NEFL: variants seen among roughly 807,000 people sequenced by gnomAD.
The protein encoded by NEFL is neurofilament light chain.
In NEFL, 36 loss-of-function variants were observed where a neutral mutation model predicts 51.6. That is an observed-to-expected ratio of 0.70 (90% confidence interval 0.53 to 0.92). The LOEUF is 0.92. NEFL is among the 40% of genes least tolerant of loss of function. NEFL has a pLI of 0.00. For synonymous variants in NEFL, 332 were observed against 302.5 expected (o/e 1.10, Z -1.01); for missense variants, 671 against 722.0 (o/e 0.93, Z 0.81).
rs1323026981 is a variant in NEFL, at chr8:24,956,212, C to A, written c.304G>T (p.Ala102Ser). The change falls in exon 1 of 4, where the codon GCC becomes TCC. Residue 102 changes from alanine to serine, a missense_variant. Coordinates refer to ENST00000610854, the MANE Select transcript of NEFL (RefSeq NM_006158.5). This position sits in a 1 kb window ranked among gnomAD's most constrained non-coding sequence, Gnocchi z 5.9. ...AQLQDLNDRF[A>S]SFIERVHELE... ...TCGTGCACGCGCTCGATGAAGCTGG[C>A]GAAGCGGTCATTGAGGTCCTGGAGC... The A allele has an allele frequency of 5.6e-6, 9 of 1,610,960 alleles. No individual in the cohort carries two copies. The highest frequency in any genetic ancestry group is 7.6e-6 in the Non-Finnish European group (9 of 1,178,742).
At chr8:24,953,249 C>G (rs570838020) in intron 3 of NEFL, among the ~76,000 whole-genome samples, 1 of 152,162 alleles carries the variant, frequency 6.6e-6, no homozygotes, top group Non-Finnish European at 1.5e-5. Flanking sequence ...CTTTAGGACA[C>G]CAACCTGCTG....
chr8:24,956,301 T>G lies in NEFL; in HGVS notation c.215A>C (p.Asp72Ala), dbSNP rs777547427. The G allele has an allele frequency of 5.6e-6, 9 of 1,610,676 alleles. No individual in the cohort carries two copies. The highest frequency in any genetic ancestry group is 6.8e-6 in the Non-Finnish European group (8 of 1,178,674). The change falls in exon 1 of 4, where the codon GAC becomes GCC. Residue 72 changes from aspartate (D) to alanine (A), a missense_variant. Transcript: ENST00000610854. The surrounding 1 kb of genome is among the most constrained non-coding windows in gnomAD (Gnocchi z 5.9). The part of the protein sequence containing the change: ...GSLMPSLENL[D>A]LSQVAAISND... The stretch of plus-strand genomic sequence containing the variant: ...GCTGATGGCGGCTACCTGGCTCAGG[T>G]CGAGGTTCTCCAGACTGGGCATCAA...
chr8:24,955,443 G>C lies in NEFL; in HGVS notation c.1044+29C>G, dbSNP rs760096270. 1,601 of 1,320,028 alleles carry C rather than the reference G, an allele frequency of 1.2e-3. No homozygotes were observed. The highest frequency in any genetic ancestry group is 7.6e-3 in the South Asian group (353 of 46,280). The allele number at this position is 1,320,028 out of a possible 1,614,324, so 81.8% of individuals were successfully genotyped here. A position where few individuals can be genotyped will look rare whatever the true frequency, so the allele number is the denominator to read the frequency against. On this transcript the variant is annotated intron_variant, in intron 1 of 3. Transcript: ENST00000610854. The surrounding 1 kb of genome is among the most constrained non-coding windows in gnomAD (Gnocchi z 4.0). ...ACTCCCCCCCTTGCTCGAGTCCCCCGCCCCCCTGTGTTTCTGGCCGTGCCG... is the reference window on the plus strand; with the variant it reads ...ACTCCCCCCCTTGCTCGAGTCCCCCCCCCCCCTGTGTTTCTGGCCGTGCCG...
In NEFL at chr8:24,956,326, A is replaced by G; in HGVS notation, c.190T>C (p.Leu64=). The stretch of plus-strand genomic sequence containing the variant: ...TCGAGGTTCTCCAGACTGGGCATCA[A>G]CGATCCAGAGCTGGAGGAGTAGCTG... ...RRSYSSSSGS[L]MPSLENLDLS... is the part of the protein sequence containing the mutation. Residue 64 remains leucine (L), a synonymous_variant, in exon 1 of 4, where the codon TTG becomes CTG. Coordinates refer to ENST00000610854, the MANE Select transcript of NEFL (RefSeq NM_006158.5). This position sits in a 1 kb window ranked among gnomAD's most constrained non-coding sequence, Gnocchi z 5.9. 1.2e-6 allele frequency: 2 copies of G among 1,610,462 alleles called. No individual in the cohort carries two copies. Among genetic ancestry groups the G allele is most frequent in the Non-Finnish European group, 1.7e-6 (2 of 1,178,506 alleles).
Position 24,956,564 on chromosome 8 carries a change from G to T in NEFL, c.-49C>A. The T allele has an allele frequency of 6.6e-7, 1 of 1,520,780 alleles. No homozygotes were observed. The highest frequency in any genetic ancestry group is 8.9e-7 in the Non-Finnish European group (1 of 1,118,792). The allele number at this position is 1,520,780 out of a possible 1,614,324, so 94.2% of individuals were successfully genotyped here. A position where few individuals can be genotyped will look rare whatever the true frequency, so the allele number is the denominator to read the frequency against. On this transcript the variant is annotated 5_prime_UTR_variant, in exon 1 of 4. Transcript: ENST00000610854. This position sits in a 1 kb window ranked among gnomAD's most constrained non-coding sequence, Gnocchi z 5.9. ...CCCGCGGCGGCGGTGGGAGCCCGGA[G>T]AGAGAGGACAGGGGAGAGAGGGAAG...
At position 24,955,376 on chromosome 8, in the gene NEFL, T is replaced by C; in HGVS notation, c.1044+96A>G. The C allele has an allele frequency of 1.6e-6, 2 of 1,263,302 alleles. No homozygotes were observed. The highest frequency in any genetic ancestry group is 2.2e-6 in the Non-Finnish European group (2 of 927,370). 78.3% of individuals were successfully genotyped at this position (1,263,302 alleles called of 1,614,324 possible). A position where few individuals can be genotyped will look rare whatever the true frequency, so the allele number is the denominator to read the frequency against. On this transcript the variant is annotated intron_variant, in intron 1 of 3. Transcript: ENST00000610854. This position sits in a 1 kb window ranked among gnomAD's most constrained non-coding sequence, Gnocchi z 4.0. ...CCAAGCCCTATCCCTAAGAGCTGCG[T>C]GCAGCCGCACCACCCCTGGTCTCCA...
At position 24,955,429 on chromosome 8, in the gene NEFL, T is replaced by G; in HGVS notation, c.1044+43A>C. The G allele has an allele frequency of 4.8e-4, 271 of 562,338 alleles. No homozygotes were observed. The highest frequency in any genetic ancestry group is 7.4e-4 in the Non-Finnish European group (237 of 318,402). 34.8% of individuals were successfully genotyped at this position (562,338 alleles called of 1,614,324 possible). A position where few individuals can be genotyped will look rare whatever the true frequency, so the allele number is the denominator to read the frequency against. Reference sequence around the variant, plus strand: ...TTCTGGGCGCACCAACTCCCCCCCTTGCTCGAGTCCCCCGCCCCCCTGTGT... The same window carrying G: ...TTCTGGGCGCACCAACTCCCCCCCTGGCTCGAGTCCCCCGCCCCCCTGTGT... On this transcript the variant is annotated intron_variant, in intron 1 of 3. Transcript: ENST00000610854. This position sits in a 1 kb window ranked among gnomAD's most constrained non-coding sequence, Gnocchi z 4.0.
rs1450236716 is a variant in NEFL, at chr8:24,955,986, C to G, written c.530G>C (p.Arg177Pro). 6.2e-7 allele frequency: 1 copy of G among 1,603,498 alleles called. No individual in the cohort carries two copies. Among genetic ancestry groups the G allele is most frequent in the South Asian group, 1.1e-5 (1 of 90,890 alleles). ...LEETLRNLQA[R>P]YEEEVLSRED... ...GCGGCTCAGCACCTCCTCTTCATAG[C>G]GCGCCTGCAGGTTGCGCAGGGTCTC... Residue 177 changes from arginine (R) to proline (P), a missense_variant, in exon 1 of 4, where the codon CGC becomes CCC. By Grantham distance (103) the Arg-to-Pro change is moderately radical (BLOSUM62 -2). Transcript: ENST00000610854. The surrounding 1 kb of genome is among the most constrained non-coding windows in gnomAD (Gnocchi z 4.0).
chr8:24,953,945 T>A (rs1287983282), intron 2 of NEFL, 150 bp from the exon 3 acceptor site: 2 of 1,220,676 alleles, frequency 1.6e-6, no homozygotes, highest in Non-Finnish European at 2.2e-6. Flanking sequence ...AGAAAAAATA[T>A]AAATAAATCA....
chr8:24,952,815 C>T lies in NEFL; in HGVS notation c.1627G>A (p.Asp543Asn), dbSNP rs1802987647. The part of the protein sequence containing the change: ...AGEEQAAKKK[D>N] ...ATAATTAAGGAAATGGGGGTTCAAT[C>T]TTTCTTCTTAGCTGCTTGTTCCTCC... Residue 543 changes from aspartate to asparagine, a missense_variant, in exon 4 of 4, where the codon GAT becomes AAT. Coordinates refer to ENST00000610854, the MANE Select transcript of NEFL (RefSeq NM_006158.5). The T allele has an allele frequency of 9.3e-6, 15 of 1,613,872 alleles. No homozygotes were observed. Among genetic ancestry groups the T allele is most frequent in the Non-Finnish European group, 1.2e-5 (14 of 1,179,844 alleles).
At chr8:24,953,819 G>A (rs753911821) in intron 2 of NEFL, 24 bp from the exon 3 acceptor site, 2 of 1,582,778 alleles carry the variant, frequency 1.3e-6, no homozygotes, top group East Asian at 2.3e-5. Flanking sequence ...TGCAAGGTGA[G>A]GTTAAAAAAC....
intron 2 of NEFL, 99 bp downstream of exon 2, chr8:24,954,082 G>C: frequency 6.6e-7 from 1 of 1,510,604 alleles, no homozygotes; most frequent in Middle Eastern, 1.7e-4. Context: ...TATTTCAAAA[G>C]GACTATTATT....
chr8:24,954,711 A>T (rs895630260), intron 1 of NEFL, among the ~76,000 whole-genome samples: 1 of 152,190 alleles, frequency 6.6e-6, no homozygotes, highest in African/African-American at 2.4e-5. Context: ...AACAAAAAAA[A>T]GAAAAAAATT....
rs990508056 is a variant in NEFL at position 24,952,063 on chromosome 8, A to G, written c.*747T>C. On this transcript the variant is annotated 3_prime_UTR_variant, in exon 4 of 4. Transcript: ENST00000610854. Reference sequence around the variant, plus strand: ...AAGAGTGTATCTGTCAAGTAATTTCAGAATTGCTCCCTAGAAAGCCATCCC... The same window carrying G: ...AAGAGTGTATCTGTCAAGTAATTTCGGAATTGCTCCCTAGAAAGCCATCCC... The G allele has an allele frequency of 3.3e-5, 5 of 152,532 alleles. No individual in the cohort carries two copies. Among genetic ancestry groups the G allele is most frequent in the African/African-American group, 1.2e-4 (5 of 41,438 alleles). 9.4% of individuals were successfully genotyped at this position (152,532 alleles called of 1,614,324 possible). A position where few individuals can be genotyped will look rare whatever the true frequency, so the allele number is the denominator to read the frequency against.
In NEFL at chr8:24,956,033, C is replaced by A. The variant is rs1312035482; in HGVS notation, c.483G>T (p.Gln161His). 1.2e-6 allele frequency: 2 copies of A among 1,604,172 alleles called. No individual in the cohort carries two copies. The highest frequency in any genetic ancestry group is 2.7e-5 in the African/African-American group (2 of 74,880). Residue 161 changes from glutamine (Q) to histidine (H), a missense_variant, in exon 1 of 4, where the codon CAG becomes CAT. Physicochemically the swap from Gln to His is conservative, Grantham distance 24. Coordinates refer to ENST00000610854, the MANE Select transcript of NEFL (RefSeq NM_006158.5). The surrounding 1 kb of genome is among the most constrained non-coding windows in gnomAD (Gnocchi z 5.9). ...TCTCCTCCAGCCCTTCGCGCTCGCC[C>A]TGGAGCGCCTGCTTCTCGTTGGTGG... ...EDATNEKQAL[Q>H]GEREGLEETL...
Position 24,952,883 on chromosome 8 carries a change from G to A in NEFL, c.1559C>T (p.Thr520Ile), listed in dbSNP as rs750697495. ...EGGEGEEGEE[T>I]KEAEEEEKKV... is the part of the protein sequence containing the mutation. ...CTTCTCCTCCTCTTCAGCTTCTTTG[G>A]TTTCCTCTCCTTCTTCACCTTCACC... Residue 520 changes from threonine (T) to isoleucine (I), a missense_variant, in exon 4 of 4, where the codon ACC (threonine) becomes ATC (isoleucine). Thr to Ile is a moderately conservative substitution (Grantham distance 89). Coordinates refer to ENST00000610854, the MANE Select transcript of NEFL (RefSeq NM_006158.5). The A allele has an allele frequency of 2.9e-5, 47 of 1,608,978 alleles. No homozygotes were observed. The Admixed American group carries it at 4.5e-4, about 15-fold the overall frequency.
chr8:24,952,791 TA>T lies in NEFL; in HGVS notation c.*18del. The T allele has an allele frequency of 6.2e-7, 1 of 1,613,898 alleles. No individual in the cohort carries two copies. The highest frequency in any genetic ancestry group is 8.5e-7 in the Non-Finnish European group (1 of 1,179,876). On this transcript the variant is annotated 3_prime_UTR_variant, in exon 4 of 4. Transcript: ENST00000610854. ...GATTTCGGGAGAATTATTCCTGAAA[TA>T]ATTAAGGAAATGGGGGTTCAATCTT...
At position 24,955,776 on chromosome 8, in the gene NEFL, A is replaced by C. The variant is rs1563251920; in HGVS notation, c.740T>G (p.Met247Arg). The change falls in exon 1 of 4, where the codon ATG becomes AGG. Residue 247 changes from methionine to arginine, a missense_variant. By Grantham distance (91) the Met-to-Arg change is moderately conservative. Coordinates refer to ENST00000610854, the MANE Select transcript of NEFL (RefSeq NM_006158.5). The surrounding 1 kb of genome is among the most constrained non-coding windows in gnomAD (Gnocchi z 4.0). Reference protein sequence around the residue: ...QIQYAQISVEMDVTKPDLSAA... With the variant: ...QIQYAQISVERDVTKPDLSAA... ...GGAAAGGTCGGGCTTGGTCACGTCC[A>C]TCTCCACGGAGATCTGCGCGTACTG... is the stretch of plus-strand genomic sequence containing the variant. 1.9e-6 allele frequency: 3 copies of C among 1,613,144 alleles called. No homozygotes were observed. The highest frequency in any genetic ancestry group is 2.5e-6 in the Non-Finnish European group (3 of 1,179,830).
At chr8:24,953,411 C>T (rs1040315266) in intron 3 of NEFL, 65 bp downstream of exon 3, 56 of 1,541,404 alleles carry the variant, frequency 3.6e-5, no homozygotes, top group Admixed American at 5.9e-5. Context: ...TTGTCTTATC[C>T]ACCTCCTAAC....
Sources: gnomAD v4.1 joint callset for allele counts (sites outside exome capture counted in the v4.1 genomes callset) on GRCh38, gnomAD v4.1.1 for gene constraint, Gnocchi (gnomAD v3.1) non-coding constraint, MANE v1.5 for transcripts, NCBI Gene and HGNC (gene_info 2026-07-23, HGNC 2026-07-21) for gene names.